The following ZNF704 variants were observed in gnomAD, a reference collection of about 807,000 sequenced individuals.
ZNF704 encodes glucocorticoid induced gene 1.
ZNF704 carries 10 observed loss-of-function variants against 44.7 expected under a neutral mutation model. That is an observed-to-expected ratio of 0.22 (90% CI 0.14 to 0.38). ZNF704 has a LOEUF of 0.38. Ranked by LOEUF, ZNF704 falls within the 10% of genes least tolerant of loss-of-function variation. The pLI is 1.00. For synonymous variants in ZNF704, 211 were observed against 207.6 expected (o/e 1.02, Z -0.14); for missense variants, 390 against 545.5 (o/e 0.71, Z 2.84).
chr8:80,828,396 T>C (rs1279424680), intron 1 of ZNF704, among the ~76,000 whole-genome samples: 4 of 152,184 alleles, frequency 2.6e-5, no homozygotes, highest in African/African-American at 9.7e-5. Context: ...ATTGGTACTG[T>C]AAATGAGGAC....
chr8:80,872,287 A>G (rs1412828669), intron 1 of ZNF704, among the ~76,000 whole-genome samples: 2 of 152,182 alleles, frequency 1.3e-5, no homozygotes, highest in Non-Finnish European at 2.9e-5. Context: ...CCAAATAACT[A>G]CTTGCTGAAA....
intron 2 of ZNF704, among the ~76,000 whole-genome samples, chr8:80,813,100 C>T (rs1397728216): frequency 6.6e-6 from 1 of 152,196 alleles, no homozygotes; most frequent in Non-Finnish European, 1.5e-5. Flanking sequence ...TCTCATATAT[C>T]CAATCTGTGC....
chr8:80,801,858 C>A (rs1450422085), intron 2 of ZNF704, among the ~76,000 whole-genome samples: 2 of 152,068 alleles, frequency 1.3e-5, no homozygotes, highest in East Asian at 1.9e-4. Flanking sequence ...ATATTAAAAA[C>A]TCCTTAAAAA....
At chr8:80,778,233 G>A (rs1047119206) in intron 2 of ZNF704, among the ~76,000 whole-genome samples, 7 of 151,840 alleles carry the variant, frequency 4.6e-5, no homozygotes, top group Non-Finnish European at 1.0e-4. Flanking sequence ...ACATACATAT[G>A]GCCAATAAGC....
At chr8:80,644,660 G>A (rs1255156033) in intron 7 of ZNF704, among the ~76,000 whole-genome samples, 1 of 152,098 alleles carries the variant, frequency 6.6e-6, no homozygotes, top group African/African-American at 2.4e-5. Flanking sequence ...TCCTCCATCT[G>A]CCAAGTGTGT....
At chr8:80,786,868 G>T (rs1157927712) in intron 2 of ZNF704, among the ~76,000 whole-genome samples, 1 of 152,198 alleles carries the variant, frequency 6.6e-6, no homozygotes. Context: ...CTAAGCCCAT[G>T]TGCTGATAGC....
At chr8:80,875,760 ACAT>A (rs1172686530), upstream of ZNF704, among the ~76,000 whole-genome samples, 2 of 152,214 alleles carry the variant, frequency 1.3e-5, no homozygotes, top group African/African-American at 4.8e-5. Context: ...TGGACATTTA[ACAT>A]CATATGCTCT....
At chr8:80,653,040 G>T (rs1189955381) in intron 7 of ZNF704, among the ~76,000 whole-genome samples, 1 of 151,652 alleles carries the variant, frequency 6.6e-6, no homozygotes, top group Non-Finnish European at 1.5e-5. Context: ...ACGTAATCCA[G>T]CATATAAACA....
rs999200582 is a variant in ZNF704 at position 80,633,884 on chromosome 8, A to C, written c.*7482T>G. On this transcript the variant is annotated 3_prime_UTR_variant, in exon 9 of 9. Coordinates refer to ENST00000327835, the MANE Select transcript of ZNF704 (RefSeq NM_001033723.3). The stretch of plus-strand genomic sequence containing the variant: ...TTTTTTCATGACATAATTTATTCTC[A>C]TTTTGCTTTCCCCTCAAAGATGCTA... 2 of 152,170 alleles carry C rather than the reference A, an allele frequency of 1.3e-5. No individual in the cohort carries two copies. 9.4% of individuals were successfully genotyped at this position (152,170 alleles called of 1,614,324 possible).
chr8:80,637,612 T>A lies in ZNF704; in HGVS notation c.*3754A>T, dbSNP rs1463398162. On this transcript the variant is annotated 3_prime_UTR_variant, in exon 9 of 9. Transcript: ENST00000327835. Reference sequence around the variant, plus strand: ...TTTGCAACATATACACATGTGACTATCTCTTTGAAAAGTTTTTAGAAAGGT... The same window carrying A: ...TTTGCAACATATACACATGTGACTAACTCTTTGAAAAGTTTTTAGAAAGGT... The A allele has an allele frequency of 1.3e-5, 2 of 152,216 alleles. No homozygotes were observed. Among genetic ancestry groups the A allele is most frequent in the Admixed American group, 6.5e-5 (1 of 15,288 alleles). The allele number at this position is 152,216 out of a possible 1,614,324, so 9.4% of individuals were successfully genotyped here. A position where few individuals can be genotyped will look rare whatever the true frequency, so the allele number is the denominator to read the frequency against.
At chr8:80,682,419 A>G (rs183087489) in intron 4 of ZNF704, among the ~76,000 whole-genome samples, 1 of 152,374 alleles carries the variant, frequency 6.6e-6, no homozygotes, top group Admixed American at 6.5e-5. Context: ...AATGGAAATG[A>G]TGAAGGCTGA....
chr8:80,672,249 C>T (rs918380371), intron 4 of ZNF704, among the ~76,000 whole-genome samples: 2 of 152,044 alleles, frequency 1.3e-5, no homozygotes, highest in African/African-American at 4.8e-5. Context: ...ATGGCTATTA[C>T]CAAAATGTCA....
At chr8:80,659,748 A>G in intron 6 of ZNF704, 59 bp from the exon 7 acceptor site, 4 of 1,496,094 alleles carry the variant, frequency 2.7e-6, no homozygotes, top group Non-Finnish European at 3.7e-6. Flanking sequence ...CGGAGCTTTA[A>G]GCTCTTATTA....
intron 7 of ZNF704, among the ~76,000 whole-genome samples, chr8:80,651,519 G>A (rs181645483): frequency 0.14 from 21,654 of 151,952 alleles, 2,870 homozygotes; most frequent in African/African-American, 0.35. Flanking sequence ...TTGCAACCCT[G>A]GTCTCTGATA....
At chr8:80,822,109 TTTA>T (rs1808282647) in intron 1 of ZNF704, among the ~76,000 whole-genome samples, 1 of 152,184 alleles carries the variant, frequency 6.6e-6, no homozygotes, top group Non-Finnish European at 1.5e-5. Flanking sequence ...TTAAGATTTT[TTTA>T]TTAATTTATT....
chr8:80,642,216 G>A (rs1463998243), intron 8 of ZNF704, among the ~76,000 whole-genome samples: 4 of 152,126 alleles, frequency 2.6e-5, no homozygotes, highest in Non-Finnish European at 5.9e-5. Flanking sequence ...TTCATGGATT[G>A]AAGATTCATT....
rs1334736588 is a variant in ZNF704, at chr8:80,824,460, C to G, written c.-21-2845G>C. On this transcript the variant is annotated intron_variant, in intron 1 of 8. Coordinates refer to ENST00000327835, the MANE Select transcript of ZNF704 (RefSeq NM_001033723.3). ...CCAAATCTATGTCTGACTGGTGTAC[C>G]CGAAAATGACGGGGAGAATGGAACC... 2.0e-5 allele frequency among the ~76,000 whole-genome samples: 3 copies of G among 152,108 alleles called. No homozygotes were observed. In the East Asian group the frequency reaches 5.8e-4, roughly 29 times the overall value.
chr8:80,695,231 T>C (rs2131639326), intron 2 of ZNF704, among the ~76,000 whole-genome samples: 1 of 152,364 alleles, frequency 6.6e-6, no homozygotes, highest in African/African-American at 2.4e-5. Flanking sequence ...TGGGGCTTGC[T>C]GCATATCCAC....
intron 1 of ZNF704, among the ~76,000 whole-genome samples, chr8:80,823,552 T>A (rs2129893722): frequency 6.6e-6 from 1 of 152,354 alleles, no homozygotes; most frequent in Admixed American, 6.5e-5. Context: ...CGTCCCTGTC[T>A]GACAGCTTTG....
Sources: gnomAD v4.1 joint callset for allele counts (sites outside exome capture counted in the v4.1 genomes callset) on GRCh38, gnomAD v4.1.1 for gene constraint, MANE v1.5 for transcripts, NCBI Gene and HGNC (gene_info 2026-07-23, HGNC 2026-07-21) for gene names.